ZBTB44: variants seen among roughly 807,000 people sequenced by gnomAD.
ZBTB44 encodes the protein zinc finger and BTB domain-containing protein 44.
A neutral mutation model predicts 54.0 loss-of-function variants in ZBTB44; 15 were observed. That is an observed-to-expected ratio of 0.28 (90% confidence interval 0.19 to 0.43). The LOEUF is 0.43. ZBTB44 is among the 20% of genes least tolerant of loss of function. The pLI is 1.00. For missense variants in ZBTB44, 487 were observed against 707.1 expected, an observed-to-expected ratio of 0.69 and a Z score of 3.53; for synonymous variants, 230 against 250.1, an observed-to-expected ratio of 0.92 and a Z score of 0.76.
chr11:130,249,584 A>C (rs753320427), intron 2 of ZBTB44, among the ~76,000 whole-genome samples: 14 of 152,160 alleles, frequency 9.2e-5, no homozygotes, highest in Non-Finnish European at 1.6e-4. Flanking sequence ...CTGCATTTCT[A>C]ATGAGGTACC....
chr11:130,291,529 G>C (rs1230226340), intron 1 of ZBTB44, among the ~76,000 whole-genome samples: 1 of 152,144 alleles, frequency 6.6e-6, no homozygotes, highest in Non-Finnish European at 1.5e-5. Context: ...GAAAAATAAA[G>C]ATTAGAGAAA....
intron 1 of ZBTB44, chr11:130,296,542 C>T: frequency 2.2e-6 from 2 of 892,830 alleles, no homozygotes; most frequent in Non-Finnish European, 3.6e-6. Context: ...GGATTGTTCA[C>T]TATGACCATC....
chr11:130,310,735 GTTTT>G (rs941400825), intron 1 of ZBTB44, among the ~76,000 whole-genome samples: 2 of 151,172 alleles, frequency 1.3e-5, no homozygotes, highest in African/African-American at 2.4e-5. Context: ...TCCAAATATA[GTTTT>G]TTTTTGTTTT....
intron 1 of ZBTB44, among the ~76,000 whole-genome samples, chr11:130,302,888 T>A (rs1942061522): frequency 6.6e-6 from 1 of 152,002 alleles, no homozygotes; most frequent in Non-Finnish European, 1.5e-5. Context: ...GGCGGGAGAA[T>A]CTCTTGAACC....
chr11:130,288,883 C>T (rs1385553616), intron 1 of ZBTB44, among the ~76,000 whole-genome samples: 48 of 147,078 alleles, frequency 3.3e-4, no homozygotes, highest in Admixed American at 2.9e-3. Context: ...GGTGACAGAG[C>T]GAGACTCCGT....
chr11:130,257,086 A>G (rs1938500699), intron 2 of ZBTB44, among the ~76,000 whole-genome samples: 1 of 152,062 alleles, frequency 6.6e-6, no homozygotes, highest in Non-Finnish European at 1.5e-5. Flanking sequence ...CGGGATACAA[A>G]ATCAATGTGC....
chr11:130,269,619 T>G (rs1309335999), intron 1 of ZBTB44, among the ~76,000 whole-genome samples: 1 of 152,218 alleles, frequency 6.6e-6, no homozygotes, highest in Non-Finnish European at 1.5e-5. Flanking sequence ...ACCTACAATT[T>G]TTTTTTACAG....
At chr11:130,274,608 G>C (rs544423155) in intron 1 of ZBTB44, among the ~76,000 whole-genome samples, 2 of 152,200 alleles carry the variant, frequency 1.3e-5, no homozygotes, top group East Asian at 3.9e-4. Flanking sequence ...TGCATCTATT[G>C]ATATAATCAT....
At chr11:130,234,579 A>G (rs1049832039) in intron 5 of ZBTB44, among the ~76,000 whole-genome samples, 8 of 152,232 alleles carry the variant, frequency 5.3e-5, no homozygotes, top group African/African-American at 1.9e-4. Flanking sequence ...TCTATATACA[A>G]AACAAATGTA....
intron 1 of ZBTB44, among the ~76,000 whole-genome samples, chr11:130,309,895 CAAAA>C (rs58743892): frequency 4.2e-5 from 3 of 71,552 alleles, no homozygotes; most frequent in Non-Finnish European, 6.3e-5. Context: ...GACTGCATCT[CAAAA>C]AAAAAAAAAA....
intron 1 of ZBTB44, among the ~76,000 whole-genome samples, chr11:130,299,135 A>G (rs1173241646): frequency 6.6e-6 from 1 of 152,104 alleles, no homozygotes; most frequent in Non-Finnish European, 1.5e-5. Flanking sequence ...ATTGACATTT[A>G]TAGTACAGAA....
chr11:130,271,114 A>G (rs1023794610), intron 1 of ZBTB44, among the ~76,000 whole-genome samples: 2 of 152,220 alleles, frequency 1.3e-5, no homozygotes, highest in African/African-American at 4.8e-5. Flanking sequence ...AGAGTGAAAT[A>G]TATGAATGAA....
intron 2 of ZBTB44, among the ~76,000 whole-genome samples, chr11:130,248,536 G>A (rs1937720568): frequency 6.6e-6 from 1 of 152,114 alleles, no homozygotes; most frequent in African/African-American, 2.4e-5. Flanking sequence ...AGCTACTTGG[G>A]AGGCTGAGGC....
At chr11:130,289,119 T>C (rs1006968531) in intron 1 of ZBTB44, among the ~76,000 whole-genome samples, 1 of 152,094 alleles carries the variant, frequency 6.6e-6, no homozygotes, top group South Asian at 2.1e-4. Flanking sequence ...TCACTGAAGA[T>C]GGATGGGTGT....
chr11:130,284,880 A>G (rs886412193), intron 1 of ZBTB44: 8 of 152,232 alleles, frequency 5.3e-5, no homozygotes, highest in South Asian at 2.1e-4. Flanking sequence ...AAAAAAAAAA[A>G]GTCCACTGCT....
At chr11:130,304,398 T>C (rs1942156402) in intron 1 of ZBTB44, among the ~76,000 whole-genome samples, 1 of 152,064 alleles carries the variant, frequency 6.6e-6, no homozygotes, top group South Asian at 2.1e-4. Context: ...TATTAAAAAA[T>C]CATATTGGAA....
rs149133928 is a variant in ZBTB44, at chr11:130,309,621, T to TCC, written c.-57+4752_-57+4753dup. Reference sequence around the variant, plus strand: ...GGGCGCAGTGGCTCACGTCTGTAATTCCAGCACTTTAGGAGGCCAGGATTA... The same window carrying TCC: ...GGGCGCAGTGGCTCACGTCTGTAATTCCCCAGCACTTTAGGAGGCCAGGATTA... On this transcript the variant is annotated intron_variant, in intron 1 of 7. Coordinates refer to ENST00000357899, the MANE Select transcript of ZBTB44 (RefSeq NM_001301098.2). Among the ~76,000 whole-genome samples the TCC allele has an allele frequency of 6.1e-3, 934 of 151,900 alleles. 19 individuals are homozygous for TCC. Among genetic ancestry groups the TCC allele is most frequent in the African/African-American group, 0.022 (896 of 41,400 alleles).
At chr11:130,273,362 T>A (rs1263985535) in intron 1 of ZBTB44, among the ~76,000 whole-genome samples, 2 of 146,178 alleles carry the variant, frequency 1.4e-5, no homozygotes, top group African/African-American at 2.5e-5. Flanking sequence ...CAGGCTGGAG[T>A]GCAATGGTAT....
chr11:130,311,186 T>C (rs545621057), intron 1 of ZBTB44, among the ~76,000 whole-genome samples: 1 of 152,274 alleles, frequency 6.6e-6, no homozygotes, highest in African/African-American at 2.4e-5. Context: ...ATTTTATGTA[T>C]ACAGTGGGAG....
Sources: gnomAD v4.1 joint callset for allele counts (sites outside exome capture counted in the v4.1 genomes callset) on GRCh38, gnomAD v4.1.1 for gene constraint, MANE v1.5 for transcripts, NCBI Gene and HGNC (gene_info 2026-07-23, HGNC 2026-07-21) for gene names.